The following MBNL2 variants were observed in gnomAD, a reference collection of about 807,000 sequenced individuals.
The protein encoded by MBNL2 is muscleblind like splicing regulator 2.
In MBNL2, 17 loss-of-function variants were observed where a neutral mutation model predicts 41.9. That is an observed-to-expected ratio of 0.41 (90% CI 0.28 to 0.61). The LOEUF is 0.61. MBNL2 is among the 20% of genes least tolerant of loss of function. The pLI is 0.35. For synonymous variants in MBNL2, 195 were observed against 182.9 expected (o/e 1.07, Z -0.53); for missense variants, 336 against 505.6 (o/e 0.66, Z 3.22).
chr13:97,334,557 A>G lies in MBNL2; in HGVS notation c.339+117A>G. 1.6e-6 allele frequency: 1 copy of G among 635,818 alleles called. No homozygotes were observed. The highest frequency in any genetic ancestry group is 2.6e-6 in the Non-Finnish European group (1 of 385,194). The allele number at this position is 635,818 out of a possible 1,614,324, so 39.4% of individuals were successfully genotyped here. On this transcript the variant is annotated intron_variant, in intron 3 of 8. Transcript: ENST00000679496. This position sits in a 1 kb window ranked among gnomAD's most constrained non-coding sequence, Gnocchi z 5.3. ...GTCACTTTGGTTACAATTAAAGCAA[A>G]TAGCTTTAAAGCTCAATAGATGAAG...
rs1268963033 is a variant in MBNL2, at chr13:97,318,669, C to T, written c.175-15607C>T. On this transcript the variant is annotated intron_variant, in intron 2 of 8. Coordinates refer to ENST00000679496, the MANE Select transcript of MBNL2 (RefSeq NM_001382683.1). ...TTTGACTAGCAGTTTCTGGACTACCCAGAGCTTAAGTATCCAGCCAGCAGT... is the reference window on the plus strand; with the variant it reads ...TTTGACTAGCAGTTTCTGGACTACCTAGAGCTTAAGTATCCAGCCAGCAGT... Among the ~76,000 whole-genome samples, 47 of 152,164 alleles carry T rather than the reference C, an allele frequency of 3.1e-4. 1 individual carries two copies.
intron 1 of MBNL2, among the ~76,000 whole-genome samples, chr13:97,269,235 A>T (rs1241512813): frequency 6.6e-6 from 1 of 152,172 alleles, no homozygotes; most frequent in Non-Finnish European, 1.5e-5. Flanking sequence ...TGGAAGCTAA[A>T]ACACACCAGT....
the MBNL2 span, among the ~76,000 whole-genome samples, chr13:97,191,598 A>G: frequency 1.3e-5 from 2 of 152,146 alleles, no homozygotes; most frequent in East Asian, 1.9e-4. Context: ...TGCCTATTTG[A>G]TGGAAGTGCA....
chr13:97,145,957 C>CTCTTTTCTTTTCTTTTCTTTTCTTT, the MBNL2 span, among the ~76,000 whole-genome samples: 48 of 144,022 alleles, frequency 3.3e-4, no homozygotes, highest in African/African-American at 1.0e-3. Flanking sequence ...CAGGGTTCTA[C>CTCTTTTCTTTTCTTTTCTTTTCTTT]TCTTTTCTTT....
the MBNL2 span, among the ~76,000 whole-genome samples, chr13:97,169,264 A>C: frequency 6.6e-6 from 1 of 152,202 alleles, no homozygotes; most frequent in Non-Finnish European, 1.5e-5. Context: ...TACTTTGTCA[A>C]ATGAAACGAA....
chr13:97,312,554 T>C (rs1238005326), intron 2 of MBNL2, among the ~76,000 whole-genome samples: 1 of 152,146 alleles, frequency 6.6e-6, no homozygotes, highest in African/African-American at 2.4e-5. Context: ...AGGAAATATC[T>C]CCAAGAAACG....
At chr13:97,314,813 A>G (rs998863441) in intron 2 of MBNL2, among the ~76,000 whole-genome samples, 5 of 152,192 alleles carry the variant, frequency 3.3e-5, no homozygotes, top group Non-Finnish European at 7.3e-5. Context: ...TGAGAGAGCT[A>G]AGTGAGAATC....
chr13:97,284,730 A>G (rs1431839093), intron 2 of MBNL2, among the ~76,000 whole-genome samples: 2 of 152,220 alleles, frequency 1.3e-5, no homozygotes, highest in Non-Finnish European at 2.9e-5. Context: ...GGAGGCTTGC[A>G]AAACTCCAGA....
chr13:97,299,602 T>C lies in MBNL2; in HGVS notation c.174+23193T>C, dbSNP rs145398323. Among the ~76,000 whole-genome samples, 46 of 152,284 alleles carry C rather than the reference T, an allele frequency of 3.0e-4. 1 individual carries two copies. The highest frequency in any genetic ancestry group is 1.1e-3 in the African/African-American group (44 of 41,558). On this transcript the variant is annotated intron_variant, in intron 2 of 8. Coordinates refer to ENST00000679496, the MANE Select transcript of MBNL2 (RefSeq NM_001382683.1). Reference sequence around the variant, plus strand: ...ACTTGGTTACATGAACTATGATTCATTGATACTGTGAAATACTGTATATTT... The same window carrying C: ...ACTTGGTTACATGAACTATGATTCACTGATACTGTGAAATACTGTATATTT...
chr13:97,244,325 G>T (rs2044982499), intron 1 of MBNL2, among the ~76,000 whole-genome samples: 1 of 152,142 alleles, frequency 6.6e-6, no homozygotes, highest in Admixed American at 6.5e-5. Flanking sequence ...ATAAACACAA[G>T]CTGTAATTTT....
At chr13:97,217,337 T>G (rs1480284279), upstream of MBNL2, among the ~76,000 whole-genome samples, 1 of 152,178 alleles carries the variant, frequency 6.6e-6, no homozygotes, top group Non-Finnish European at 1.5e-5. Context: ...GGGGATAAAC[T>G]GATGAATAGG....
intron 2 of MBNL2, among the ~76,000 whole-genome samples, chr13:97,325,482 G>A (rs1056859047): frequency 9.9e-5 from 15 of 152,268 alleles, no homozygotes; most frequent in Middle Eastern, 3.4e-3. Context: ...TGTAATCCCC[G>A]CACTTTGGGA....
chr13:97,310,223 G>A (rs1011102001), intron 2 of MBNL2, among the ~76,000 whole-genome samples: 1 of 152,154 alleles, frequency 6.6e-6, no homozygotes, highest in Non-Finnish European at 1.5e-5. Context: ...TCCCAGACAA[G>A]TCACGTTCTC....
At chr13:97,205,919 G>A in the MBNL2 span, among the ~76,000 whole-genome samples, 2 of 152,100 alleles carry the variant, frequency 1.3e-5, no homozygotes, top group African/African-American at 2.4e-5. Flanking sequence ...CGAAATATTG[G>A]GAAATGTTTT....
rs11423615 is a variant in MBNL2, at chr13:97,287,918, G to GTTTTTTTTTTT, written c.174+11519_174+11520insTTTTTTTTTTT. On this transcript the variant is annotated intron_variant, in intron 2 of 8. Coordinates refer to ENST00000679496, the MANE Select transcript of MBNL2 (RefSeq NM_001382683.1). ...TGCCACCAGGCCCGGCTAATTTTCTGTTTTTTTTTTGTTTTGTTTTGTTTT... is the reference window on the plus strand; with the variant it reads ...TGCCACCAGGCCCGGCTAATTTTCTGTTTTTTTTTTTTTTTTTTTTTGTTTTGTTTTGTTTT... 2.7e-4 allele frequency among the ~76,000 whole-genome samples: 34 copies of GTTTTTTTTTTT among 124,594 alleles called. 2 individuals are homozygous for GTTTTTTTTTTT. The highest frequency in any genetic ancestry group is 1.2e-3 in the African/African-American group (34 of 28,756). 81.7% of individuals were successfully genotyped at this position (124,594 alleles called of 152,430 possible).
chr13:97,181,744 C>G, the MBNL2 span, among the ~76,000 whole-genome samples: 1 of 152,186 alleles, frequency 6.6e-6, no homozygotes, highest in East Asian at 1.9e-4. Context: ...CTGGTCTTCT[C>G]TCTCTGGCTA....
chr13:97,328,370 C>T (rs1220255403), intron 2 of MBNL2, among the ~76,000 whole-genome samples: 1 of 152,154 alleles, frequency 6.6e-6, no homozygotes, highest in Non-Finnish European at 1.5e-5. Context: ...GGGTCTAAAG[C>T]AGGCTCCAGG....
the MBNL2 span, among the ~76,000 whole-genome samples, chr13:97,208,492 C>G: frequency 6.6e-6 from 1 of 152,140 alleles, no homozygotes; most frequent in African/African-American, 2.4e-5. Flanking sequence ...CCTAGAACTA[C>G]AAAAGTAAAA....
At chr13:97,235,796 G>A (rs1397691186) in intron 1 of MBNL2, among the ~76,000 whole-genome samples, 6 of 152,128 alleles carry the variant, frequency 3.9e-5, no homozygotes, top group South Asian at 4.2e-4. Context: ...TGGGAGTGAG[G>A]TTCCCGCTAC....
Sources: allele counts gnomAD v4.1 joint callset (sites outside exome capture counted in the v4.1 genomes callset), GRCh38; gene constraint gnomAD v4.1.1; non-coding constraint Gnocchi (gnomAD v3.1); transcripts MANE v1.5; gene names NCBI Gene and HGNC (gene_info 2026-07-23, HGNC 2026-07-21).